The following EPHX4 variants were observed in gnomAD, a reference collection of about 807,000 sequenced individuals.
EPHX4 encodes abhydrolase domain containing 7.
Under a neutral mutation model 44.9 loss-of-function variants are expected in EPHX4, and 31 were observed. The ratio of observed to expected loss-of-function variants is 0.69; its 90% CI spans 0.52 to 0.93. The LOEUF (loss-of-function observed/expected upper bound fraction) is 0.93, where lower values mean the gene tolerates loss of function less well. EPHX4 is among the 40% of genes least tolerant of loss of function. The pLI, the probability that EPHX4 is intolerant of heterozygous loss-of-function variation, is 0.00. For missense variants in EPHX4, 373 were observed against 438.1 expected (o/e 0.85, Z 1.33); for synonymous variants, 151 against 159.7 (o/e 0.95, Z 0.41).
intron 2 of EPHX4, among the ~76,000 whole-genome samples, chr1:92,033,931 A>G (rs1327622533): frequency 6.6e-6 from 1 of 150,562 alleles, no homozygotes; most frequent in African/African-American, 2.4e-5. Flanking sequence ...CCTAAGGGGA[A>G]GTGTTCTGTT....
chr1:92,033,446 G>A (rs1458432501), intron 2 of EPHX4, among the ~76,000 whole-genome samples: 3 of 152,190 alleles, frequency 2.0e-5, no homozygotes, highest in Non-Finnish European at 2.9e-5. Context: ...ATACAACACT[G>A]GGTAGGGAAA....
intron 2 of EPHX4, among the ~76,000 whole-genome samples, chr1:92,036,630 G>A (rs1200058981): frequency 1.3e-5 from 2 of 152,172 alleles, no homozygotes; most frequent in Non-Finnish European, 2.9e-5. Flanking sequence ...AGTCTCTTCT[G>A]TTCACTAAAT....
intron 2 of EPHX4, among the ~76,000 whole-genome samples, chr1:92,036,363 T>C (rs2101866677): frequency 6.6e-6 from 1 of 152,320 alleles, no homozygotes; most frequent in South Asian, 2.1e-4. Context: ...TTACTCCTCA[T>C]GAGAGCCCTT....
intron 1 of EPHX4, 86 bp from the exon 2 acceptor site, chr1:92,032,418 TA>T (rs1688374640): frequency 3.0e-6 from 3 of 1,001,164 alleles, no homozygotes; most frequent in Non-Finnish European, 4.7e-6. Context: ...GGCAAGTTAC[TA>T]TTTTTTTAAT....
At chr1:92,050,685 A>G (rs1349185756) in intron 5 of EPHX4, among the ~76,000 whole-genome samples, 1 of 152,096 alleles carries the variant, frequency 6.6e-6, no homozygotes, top group African/African-American at 2.4e-5. Flanking sequence ...ATGAGGGAAT[A>G]CAAATATCAG....
intron 6 of EPHX4, among the ~76,000 whole-genome samples, chr1:92,054,001 A>G (rs983413800): frequency 6.6e-6 from 1 of 152,210 alleles, no homozygotes; most frequent in African/African-American, 2.4e-5. Context: ...AGAGTGAAAG[A>G]TAAGACATGG....
intron 5 of EPHX4, among the ~76,000 whole-genome samples, chr1:92,051,616 A>G (rs1647255536): frequency 6.6e-6 from 1 of 152,120 alleles, no homozygotes; most frequent in African/African-American, 2.4e-5. Context: ...GCTTGATTAA[A>G]TTTTAATTTG....
At position 92,034,018 on chromosome 1, in the gene EPHX4, T is replaced by TA. The variant is rs1553201609; in HGVS notation, c.317+1430dup. On this transcript the variant is annotated intron_variant, in intron 2 of 6. Coordinates refer to ENST00000370383, the MANE Select transcript of EPHX4 (RefSeq NM_173567.5). ...TAAACTTTTTTTTTTTTTTTTTTTT[T>TA]AATGAACATCTTTAAAAGAGGTGGT... Among the ~76,000 whole-genome samples the TA allele has an allele frequency of 4.0e-5, 6 of 148,272 alleles. No homozygotes were observed. In the East Asian group the frequency reaches 7.9e-4, roughly 19 times the overall value.
At chr1:92,048,174 A>G (rs867870514) in intron 4 of EPHX4, among the ~76,000 whole-genome samples, 1 of 152,198 alleles carries the variant, frequency 6.6e-6, no homozygotes, top group Non-Finnish European at 1.5e-5. Flanking sequence ...GTAAGTGTTG[A>G]GTTGAATTTT....
chr1:92,030,333 C>A (rs1359252106), intron 1 of EPHX4, 23 bp downstream of exon 1: 4 of 1,482,006 alleles, frequency 2.7e-6, no homozygotes, highest in Non-Finnish European at 3.6e-6. Context: ...GCGGGCCTGG[C>A]GGGAGCGGGA....
chr1:92,031,847 G>A (rs978199372), intron 1 of EPHX4, among the ~76,000 whole-genome samples: 3 of 152,004 alleles, frequency 2.0e-5, no homozygotes, highest in African/African-American at 7.3e-5. Flanking sequence ...TACATGCAGA[G>A]TGAAGTCTTG....
intron 6 of EPHX4, among the ~76,000 whole-genome samples, chr1:92,060,186 A>G (rs1647464915): frequency 6.6e-6 from 1 of 151,996 alleles, no homozygotes; most frequent in South Asian, 2.1e-4. Flanking sequence ...AGGTGGGAGG[A>G]TTGCTTGAAG....
In EPHX4 at chr1:92,045,524, GT is replaced by G; in HGVS notation, c.476-5del. ...TTAATGATGTCAACATTTATTTCTTGTTTACAGGGTATAGCAAATGTGTTCT... is the reference window on the plus strand; with the variant it reads ...TTAATGATGTCAACATTTATTTCTTGTTACAGGGTATAGCAAATGTGTTCT... On this transcript the variant is annotated splice_polypyrimidine_tract_variant and splice_region_variant and intron_variant, in intron 3 of 6. Transcript: ENST00000370383. 6.2e-7 allele frequency: 1 copy of G among 1,613,042 alleles called. No individual in the cohort carries two copies. Among genetic ancestry groups the G allele is most frequent in the East Asian group, 2.2e-5 (1 of 44,828 alleles).
chr1:92,046,048 G>A lies in EPHX4; in HGVS notation c.604+388G>A, dbSNP rs116091799. On this transcript the variant is annotated intron_variant, in intron 4 of 6. Transcript: ENST00000370383. Reference sequence around the variant, plus strand: ...CTTTAAAGCAGTTCTCACATTTTTTGGTCTTGGGCTTCTATATGCTCTTAA... The same window carrying A: ...CTTTAAAGCAGTTCTCACATTTTTTAGTCTTGGGCTTCTATATGCTCTTAA... 7.3e-3 allele frequency among the ~76,000 whole-genome samples: 1,114 copies of A among 152,008 alleles called. 18 individuals carry two copies. The highest frequency in any genetic ancestry group is 0.026 in the African/African-American group (1,062 of 41,454).
At chr1:92,061,153 G>A (rs372076141) in intron 6 of EPHX4, among the ~76,000 whole-genome samples, 149 of 152,200 alleles carry the variant, frequency 9.8e-4, no homozygotes, top group African/African-American at 3.4e-3. Context: ...GTGCTGGGGC[G>A]TGTGAGCCAC....
chr1:92,054,871 T>C (rs1045154085), intron 6 of EPHX4, among the ~76,000 whole-genome samples: 3 of 152,088 alleles, frequency 2.0e-5, no homozygotes, highest in Admixed American at 2.0e-4. Flanking sequence ...AAGAGAATTA[T>C]GAATTGAAAG....
chr1:92,032,619 A>T, intron 2 of EPHX4, 29 bp downstream of exon 2: 1 of 1,574,470 alleles, frequency 6.4e-7, no homozygotes, highest in Admixed American at 1.7e-5. Flanking sequence ...ATTTATTGTT[A>T]CATTAAAACT....
At chr1:92,049,034 A>G (rs1688621434) in intron 4 of EPHX4, among the ~76,000 whole-genome samples, 3 of 151,388 alleles carry the variant, frequency 2.0e-5, no homozygotes, top group Admixed American at 2.0e-4. Flanking sequence ...ATGAATATAT[A>G]TGTATATATA....
intron 6 of EPHX4, among the ~76,000 whole-genome samples, chr1:92,053,855 A>T (rs1342217044): frequency 6.6e-6 from 1 of 152,146 alleles, no homozygotes; most frequent in Non-Finnish European, 1.5e-5. Flanking sequence ...GATACCTTAG[A>T]TATTCAAATA....
Sources: gnomAD v4.1 joint callset for allele counts (sites outside exome capture counted in the v4.1 genomes callset) on GRCh38, gnomAD v4.1.1 for gene constraint, MANE v1.5 for transcripts, NCBI Gene and HGNC (gene_info 2026-07-23, HGNC 2026-07-21) for gene names.